Variants in ZNF292 observed in about 807,000 individuals in gnomAD.
The protein encoded by ZNF292 is zinc finger protein 292.
ZNF292 carries 26 observed loss-of-function variants against 217.9 expected under a neutral mutation model. That is an observed-to-expected ratio of 0.12 (90% CI 0.09 to 0.17). ZNF292 has a LOEUF of 0.17. Among genes scored for constraint, ZNF292 ranks in the 10% least tolerant of loss-of-function variants. The pLI is 1.00. For missense variants in ZNF292, 2,904 were observed against 3,175.2 expected (o/e 0.91, Z 2.05); for synonymous variants, 1,257 against 1,124.1 (o/e 1.12, Z -2.37).
At chr6:87,194,316 T>C (rs1771898671) in intron 1 of ZNF292, among the ~76,000 whole-genome samples, 1 of 149,894 alleles carries the variant, frequency 6.7e-6, no homozygotes, top group African/African-American at 2.5e-5. Flanking sequence ...ACAAGCACTT[T>C]TTAATTTAAA....
intron 1 of ZNF292, among the ~76,000 whole-genome samples, chr6:87,210,642 T>A (rs1329216889): frequency 6.6e-6 from 1 of 151,970 alleles, no homozygotes; most frequent in Non-Finnish European, 1.5e-5. Context: ...TAGCCAGGCT[T>A]GGTGGCGGGC....
intron 1 of ZNF292, among the ~76,000 whole-genome samples, chr6:87,195,155 A>T (rs542646582): frequency 1.3e-5 from 2 of 152,354 alleles, no homozygotes; most frequent in South Asian, 4.1e-4. Context: ...TTTTTATTTA[A>T]CATAGTGTTA....
intron 7 of ZNF292, among the ~76,000 whole-genome samples, chr6:87,254,414 A>G (rs555386120): frequency 1.3e-5 from 2 of 152,218 alleles, no homozygotes; most frequent in Admixed American, 6.5e-5. Flanking sequence ...TAGCCATTAA[A>G]TAATTCCATA....
chr6:87,227,302 A>T (rs1431980989), intron 4 of ZNF292, among the ~76,000 whole-genome samples: 4 of 152,170 alleles, frequency 2.6e-5, no homozygotes, highest in Non-Finnish European at 5.9e-5. Context: ...GCCCTACCTC[A>T]TACCAATTAA....
Position 87,233,393 on chromosome 6 carries a change from A to C in ZNF292, c.607A>C (p.Asn203His). 6.2e-7 allele frequency: 1 copy of C among 1,613,512 alleles called. No homozygotes were observed. Among genetic ancestry groups the C allele is most frequent in the Non-Finnish European group, 8.5e-7 (1 of 1,179,660 alleles). The change falls in exon 5 of 8, where the codon AAT (asparagine) becomes CAT (histidine). Residue 203 changes from asparagine to histidine, a missense_variant. By Grantham distance (68) the Asn-to-His change is moderately conservative. Transcript: ENST00000369577. ...GAGAATTAAACATCTAATCAAAACA[A>C]ATCAGTTAAGTCAAGCAACTGCTCT... is the stretch of plus-strand genomic sequence containing the variant. ...DMRIKHLIKTNQLSQATALAK... is the reference protein window; with the variant it reads ...DMRIKHLIKTHQLSQATALAK...
chr6:87,256,506 G>A lies in ZNF292; in HGVS notation c.2877G>A (p.Val959=), dbSNP rs1196488383. 1.9e-5 allele frequency: 31 copies of A among 1,612,292 alleles called. No homozygotes were observed. The highest frequency in any genetic ancestry group is 2.5e-5 in the Non-Finnish European group (30 of 1,179,848). The change falls in exon 8 of 8, where the codon GTG becomes GTA. Residue 959 remains valine (V), a synonymous_variant. Transcript: ENST00000369577. ...DNFGKQENST[V]EGSGEALVTD... ...TTGGAAAGCAAGAAAACTCAACTGT[G>A]GAAGGCAGTGGTGAAGCACTGGTCA...
At chr6:87,251,795 A>G (rs1774932463) in intron 7 of ZNF292, among the ~76,000 whole-genome samples, 1 of 152,204 alleles carries the variant, frequency 6.6e-6, no homozygotes, top group Admixed American at 6.5e-5. Context: ...AAATTGTAAA[A>G]TATAGTTTCT....
intron 7 of ZNF292, among the ~76,000 whole-genome samples, chr6:87,246,466 A>G (rs899748550): frequency 1.3e-5 from 2 of 152,202 alleles, no homozygotes; most frequent in African/African-American, 4.8e-5. Context: ...GCTTGAACTG[A>G]TGCTGAGTCT....
chr6:87,202,335 T>G (rs2127790034), intron 1 of ZNF292, among the ~76,000 whole-genome samples: 1 of 152,338 alleles, frequency 6.6e-6, no homozygotes, highest in East Asian at 1.9e-4. Flanking sequence ...TTTTAAAAAT[T>G]ATAGTTTCTA....
At chr6:87,197,589 T>G (rs960736700) in intron 1 of ZNF292, among the ~76,000 whole-genome samples, 9 of 148,366 alleles carry the variant, frequency 6.1e-5, no homozygotes, top group African/African-American at 2.3e-4. Flanking sequence ...AAAAAAAAAT[T>G]AGCTGAGCCT....
chr6:87,218,837 A>G (rs1772923946), intron 4 of ZNF292, 106 bp downstream of exon 4: 1 of 1,225,654 alleles, frequency 8.2e-7, no homozygotes. Flanking sequence ...AAGAAGGACC[A>G]TTTAATTAAA....
rs778157619 is a variant in ZNF292, at chr6:87,256,073, G to A, written c.2444G>A (p.Gly815Asp). 1.2e-6 allele frequency: 2 copies of A among 1,612,528 alleles called. No homozygotes were observed. The highest frequency in any genetic ancestry group is 3.3e-5 in the Admixed American group (2 of 59,728). The part of the protein sequence containing the change: ...NTYTCKFTGC[G>D]KVYRSQGELE... The stretch of plus-strand genomic sequence containing the variant: ...TACACTTGTAAGTTCACAGGTTGTG[G>A]TAAAGTTTATCGTTCTCAGGGTGAG... Residue 815 changes from glycine to aspartate, a missense_variant, in exon 8 of 8, where the codon GGT becomes GAT. Coordinates refer to ENST00000369577, the MANE Select transcript of ZNF292 (RefSeq NM_015021.3).
At chr6:87,239,905 C>A (rs933784129) in intron 5 of ZNF292, among the ~76,000 whole-genome samples, 1 of 149,746 alleles carries the variant, frequency 6.7e-6, no homozygotes, top group Non-Finnish European at 1.5e-5. Flanking sequence ...ACATCCCAGA[C>A]GATGGGTGGC....
Position 87,181,050 on chromosome 6 carries a change from G to A in ZNF292, c.168+25291G>A, listed in dbSNP as rs560112095. Among the ~76,000 whole-genome samples, 21 of 152,216 alleles carry A rather than the reference G, an allele frequency of 1.4e-4. 1 individual carries two copies. In the South Asian group the frequency reaches 4.1e-3, roughly 30 times the overall value. On this transcript the variant is annotated intron_variant, in intron 1 of 7. Transcript: ENST00000369577. ...TGGCCCCATGGTAATGTCTAGGGGT[G>A]AGTGCCTGCAACCCCACTGTTACAA...
intron 7 of ZNF292, chr6:87,249,418 A>G: frequency 3.1e-6 from 1 of 327,730 alleles, no homozygotes. Flanking sequence ...ATGAGCCACC[A>G]CACATGACCT....
intron 1 of ZNF292, among the ~76,000 whole-genome samples, chr6:87,207,180 C>CA (rs1772283046): frequency 6.6e-6 from 1 of 152,044 alleles, no homozygotes; most frequent in Non-Finnish European, 1.5e-5. Flanking sequence ...TGTTTCCCAC[C>CA]AAAAAATAGT....
chr6:87,236,405 T>TAAA (rs3831157), intron 5 of ZNF292, among the ~76,000 whole-genome samples: 4 of 143,848 alleles, frequency 2.8e-5, no homozygotes, highest in Non-Finnish European at 4.6e-5. Context: ...TTTTTTTTTT[T>TAAA]AAAAAAGAAA....
chr6:87,235,111 A>G (rs890902826), intron 5 of ZNF292, among the ~76,000 whole-genome samples: 7 of 152,072 alleles, frequency 4.6e-5, no homozygotes, highest in Non-Finnish European at 1.0e-4. Flanking sequence ...TATTACAGGT[A>G]ATTGGCCTTT....
At chr6:87,220,499 G>GA (rs2127807906) in intron 4 of ZNF292, among the ~76,000 whole-genome samples, 1 of 152,154 alleles carries the variant, frequency 6.6e-6, no homozygotes, top group Admixed American at 6.5e-5. Context: ...TCAGACCTCA[G>GA]CCTCTCCCTA....
Sources: gnomAD v4.1 joint callset for allele counts (sites outside exome capture counted in the v4.1 genomes callset) on GRCh38, gnomAD v4.1.1 for gene constraint, MANE v1.5 for transcripts, NCBI Gene and HGNC (gene_info 2026-07-23, HGNC 2026-07-21) for gene names.